TATDN2: variants seen among roughly 807,000 people sequenced by gnomAD.
TATDN2 encodes the protein TatD DNase domain containing 2.
In TATDN2, 44 loss-of-function variants were observed where a neutral mutation model predicts 60.3. That is an observed-to-expected ratio of 0.73 (90% CI 0.57 to 0.94). The LOEUF is 0.94. TATDN2 is among the 40% of genes least tolerant of loss of function. TATDN2 has a pLI of 0.00. For synonymous variants in TATDN2, 399 were observed against 355.8 expected (o/e 1.12, Z -1.37); for missense variants, 997 against 948.0 (o/e 1.05, Z -0.68).
Position 10,278,904 on chromosome 3 carries a change from A to G in TATDN2, c.2165A>G (p.Gln722Arg), listed in dbSNP as rs749253670. 7 of 1,613,648 alleles carry G rather than the reference A, an allele frequency of 4.3e-6. No individual in the cohort carries two copies. Among genetic ancestry groups the G allele is most frequent in the African/African-American group, 1.3e-5 (1 of 74,922 alleles). Residue 722 changes from glutamine (Q) to arginine (R), a missense_variant, in exon 7 of 8, where the codon CAG becomes CGG. Physicochemically the swap from Gln to Arg is conservative, Grantham distance 43 (BLOSUM62 1). Transcript: ENST00000448281. This position sits in a 1 kb window ranked among gnomAD's most constrained non-coding sequence, Gnocchi z 4.7. ...LPRQVPKSLC[Q>R]YAHPGLALHT... is the part of the protein sequence containing the mutation. ...TTCCAGGTTCCCAAAAGCCTTTGCC[A>G]GTATGCCCACCCGGGCCTGGCCTTG...
chr3:10,254,177 C>T (rs191161648), intron 2 of TATDN2, among the ~76,000 whole-genome samples: 25 of 152,270 alleles, frequency 1.6e-4, no homozygotes, highest in African/African-American at 5.1e-4. Flanking sequence ...CAAGGACAAT[C>T]GGGCCATGCT....
intron 3 of TATDN2, among the ~76,000 whole-genome samples, chr3:10,268,395 G>C (rs1391872551): frequency 6.6e-6 from 1 of 152,194 alleles, no homozygotes; most frequent in Non-Finnish European, 1.5e-5. Context: ...GTGAATGTTT[G>C]TTTTATTATG....
intron 3 of TATDN2, among the ~76,000 whole-genome samples, chr3:10,266,917 C>G (rs1014549121): frequency 6.8e-6 from 1 of 146,440 alleles, no homozygotes; most frequent in Admixed American, 7.1e-5. Context: ...CAGGCTTAAA[C>G]TAACTAAGGC....
At chr3:10,273,563 C>T (rs920508171) in intron 4 of TATDN2, among the ~76,000 whole-genome samples, 5 of 150,904 alleles carry the variant, frequency 3.3e-5, no homozygotes, top group African/African-American at 1.2e-4. Context: ...CAAGATGAGC[C>T]AAGGCAACAT....
In TATDN2 at chr3:10,249,022, C is replaced by A; in HGVS notation, c.-52C>A. ...ACTTCTCCAACACGGTTTGGCATCTCTGAAACCTTGAGAACTGTGATGGGC... is the reference window on the plus strand; with the variant it reads ...ACTTCTCCAACACGGTTTGGCATCTATGAAACCTTGAGAACTGTGATGGGC... On this transcript the variant is annotated 5_prime_UTR_variant, in exon 1 of 8. The change creates a new upstream start codon in the 5' untranslated region. Transcript: ENST00000448281. The A allele has an allele frequency of 1.5e-6, 1 of 678,672 alleles. No individual in the cohort carries two copies. The highest frequency in any genetic ancestry group is 2.1e-6 in the Non-Finnish European group (1 of 471,310). 42.0% of individuals were successfully genotyped at this position (678,672 alleles called of 1,614,324 possible). A position where few individuals can be genotyped will look rare whatever the true frequency, so the allele number is the denominator to read the frequency against.
At chr3:10,261,646 G>T (rs545372645) in intron 3 of TATDN2, among the ~76,000 whole-genome samples, 5 of 152,246 alleles carry the variant, frequency 3.3e-5, no homozygotes, top group East Asian at 3.9e-4. Flanking sequence ...GGGATTACAG[G>T]CATGAGCCAC....
At chr3:10,257,841 ATTTT>A (rs553265148) in intron 2 of TATDN2, among the ~76,000 whole-genome samples, 75 of 30,292 alleles carry the variant, frequency 2.5e-3, no homozygotes, top group Non-Finnish European at 4.0e-3. Context: ...AAGGTTTATG[ATTTT>A]TTTTTTTTTT....
At position 10,257,841 on chromosome 3, in the gene TATDN2, A is replaced by ATTTTTTT. The variant is rs553265148; in HGVS notation, c.415-2267_415-2261dup. Among the ~76,000 whole-genome samples, 102 of 30,304 alleles carry ATTTTTTT rather than the reference A, an allele frequency of 3.4e-3. 23 individuals carry two copies. Among genetic ancestry groups the ATTTTTTT allele is most frequent in the Non-Finnish European group, 5.4e-3 (78 of 14,388 alleles). The allele number at this position is 30,304 out of a possible 152,430, so 19.9% of individuals were successfully genotyped here. On this transcript the variant is annotated intron_variant, in intron 2 of 7. Coordinates refer to ENST00000448281, the MANE Select transcript of TATDN2 (RefSeq NM_014760.4). The stretch of plus-strand genomic sequence containing the variant: ...AAGTATAGATTTCTAAAGGTTTATG[A>ATTTTTTT]TTTTTTTTTTTTTTTTTTTTTTTTT...
At chr3:10,256,679 G>A (rs1051761988) in intron 2 of TATDN2, among the ~76,000 whole-genome samples, 61 of 151,982 alleles carry the variant, frequency 4.0e-4, no homozygotes, top group Admixed American at 1.2e-3. Flanking sequence ...GCAGCTGCCC[G>A]TCTGAGGGTG....
chr3:10,263,515 A>G (rs1698436435), intron 3 of TATDN2, among the ~76,000 whole-genome samples: 2 of 151,294 alleles, frequency 1.3e-5, no homozygotes, highest in Admixed American at 1.3e-4. Context: ...TTCTTGCTTT[A>G]CTTTGTAGGA....
At chr3:10,253,367 T>A (rs1057483964) in intron 2 of TATDN2, among the ~76,000 whole-genome samples, 9 of 152,194 alleles carry the variant, frequency 5.9e-5, no homozygotes, top group African/African-American at 2.2e-4. Flanking sequence ...CTTTAACACA[T>A]CTTTCTCTGT....
chr3:10,250,475 G>GA (rs1698206092), intron 2 of TATDN2, among the ~76,000 whole-genome samples: 1 of 151,948 alleles, frequency 6.6e-6, no homozygotes, highest in South Asian at 2.1e-4. Flanking sequence ...GAGGAGTGGA[G>GA]AAACAGTCTT....
chr3:10,259,702 G>T (rs573313475), intron 2 of TATDN2, among the ~76,000 whole-genome samples: 1 of 152,206 alleles, frequency 6.6e-6, no homozygotes, highest in Admixed American at 6.5e-5. Flanking sequence ...AGAACTGGGG[G>T]ATTGGAGTTC....
chr3:10,280,216 C>T lies in TATDN2; in HGVS notation c.*1034C>T, dbSNP rs528446078. On this transcript the variant is annotated 3_prime_UTR_variant, in exon 8 of 8. Coordinates refer to ENST00000448281, the MANE Select transcript of TATDN2 (RefSeq NM_014760.4). Reference sequence around the variant, plus strand: ...ACATTGTCTATGCAGAATAAGCAGGCCTGGTGTCTGCAAATGTACCAGTCC... The same window carrying T: ...ACATTGTCTATGCAGAATAAGCAGGTCTGGTGTCTGCAAATGTACCAGTCC... 2 of 153,930 alleles carry T rather than the reference C, an allele frequency of 1.3e-5. No homozygotes were observed. The highest frequency in any genetic ancestry group is 4.8e-5 in the African/African-American group (2 of 41,576). The allele number at this position is 153,930 out of a possible 1,614,324, so 9.5% of individuals were successfully genotyped here.
At chr3:10,253,903 C>T (rs1698265549) in intron 2 of TATDN2, among the ~76,000 whole-genome samples, 1 of 152,242 alleles carries the variant, frequency 6.6e-6, no homozygotes, top group Admixed American at 6.5e-5. Context: ...ATTAGTCCAA[C>T]TTCAAAGCCA....
At chr3:10,249,700 CT>C in intron 2 of TATDN2, 86 bp downstream of exon 2, 2 of 1,398,242 alleles carry the variant, frequency 1.4e-6, no homozygotes, top group Non-Finnish European at 1.9e-6. Flanking sequence ...TGGAAGGAGA[CT>C]ACAAAACATT....
At chr3:10,251,226 C>G (rs1036822250) in intron 2 of TATDN2, among the ~76,000 whole-genome samples, 1 of 151,932 alleles carries the variant, frequency 6.6e-6, no homozygotes, top group African/African-American at 2.4e-5. Context: ...GAGGAGTGGT[C>G]GCATGACTGC....
Position 10,270,435 on chromosome 3 carries a change from A to G in TATDN2, c.1253A>G (p.Asp418Gly), listed in dbSNP as rs754530670. 1 of 1,614,168 alleles carries G rather than the reference A, an allele frequency of 6.2e-7. No individual in the cohort carries two copies. The highest frequency in any genetic ancestry group is 2.2e-5 in the East Asian group (1 of 44,876). ...VGKSSRSRMS[D>G]YSPNSTGSVQ... ...AAGAGCAGCCGGAGCCGCATGAGTG[A>G]TTATTCCCCCAACTCTACAGGGAGT... The change falls in exon 4 of 8, where the codon GAT becomes GGT. Residue 418 changes from aspartate (D) to glycine (G), a missense_variant. Physicochemically the swap from Asp to Gly is moderately conservative, Grantham distance 94 (BLOSUM62 -1). Coordinates refer to ENST00000448281, the MANE Select transcript of TATDN2 (RefSeq NM_014760.4).
At chr3:10,252,209 A>G (rs1220519829) in intron 2 of TATDN2, among the ~76,000 whole-genome samples, 1 of 149,026 alleles carries the variant, frequency 6.7e-6, no homozygotes, top group Non-Finnish European at 1.5e-5. Context: ...TGTGTTGCCC[A>G]GGCTGGTCTC....
Sources: allele counts gnomAD v4.1 joint callset (sites outside exome capture counted in the v4.1 genomes callset), GRCh38; gene constraint gnomAD v4.1.1; non-coding constraint Gnocchi (gnomAD v3.1); transcripts MANE v1.5; gene names NCBI Gene and HGNC (gene_info 2026-07-23, HGNC 2026-07-21).